NELL1: variants seen among roughly 807,000 people sequenced by gnomAD.
The protein encoded by NELL1 is protein kinase C-binding protein NELL1.
In NELL1, 76 loss-of-function variants were observed where a neutral mutation model predicts 107.4. That is an observed-to-expected ratio of 0.71 (90% CI 0.59 to 0.86). The LOEUF is 0.86. NELL1 is among the 40% of genes least tolerant of loss of function. NELL1 has a pLI of 0.00. For synonymous variants in NELL1, 353 were observed against 341.2 expected, an observed-to-expected ratio of 1.03 and a Z score of -0.38; for missense variants, 1,024 against 1,005.5, an observed-to-expected ratio of 1.02 and a Z score of -0.25.
chr11:21,003,745 A>G (rs758898657), intron 12 of NELL1, among the ~76,000 whole-genome samples: 2 of 152,142 alleles, frequency 1.3e-5, no homozygotes, highest in African/African-American at 2.4e-5. Context: ...TCCAAGAAAC[A>G]AACTGTGAGC....
chr11:21,147,853 A>AG (rs1856019068), intron 13 of NELL1, among the ~76,000 whole-genome samples: 1 of 150,820 alleles, frequency 6.6e-6, no homozygotes, highest in South Asian at 2.1e-4. Context: ...AAAAAAAAAA[A>AG]AAAAAAAAAA....
chr11:21,079,341 G>A (rs1470938416), intron 12 of NELL1, among the ~76,000 whole-genome samples: 3 of 151,960 alleles, frequency 2.0e-5, no homozygotes, highest in South Asian at 2.1e-4. Flanking sequence ...TTTGTAACAA[G>A]CGACACAGAA....
intron 15 of NELL1, among the ~76,000 whole-genome samples, chr11:21,407,540 A>T (rs1262297628): frequency 2.0e-5 from 3 of 152,082 alleles, no homozygotes; most frequent in Non-Finnish European, 2.9e-5. Context: ...CAAATTTAGT[A>T]TATGAATTAT....
At chr11:21,108,467 CA>C (rs1266880291) in intron 12 of NELL1, among the ~76,000 whole-genome samples, 1 of 152,036 alleles carries the variant, frequency 6.6e-6, no homozygotes, top group Non-Finnish European at 1.5e-5. Flanking sequence ...TTTATTACCT[CA>C]AAAGACCACC....
intron 15 of NELL1, among the ~76,000 whole-genome samples, chr11:21,529,188 CA>C (rs904737767): frequency 2.0e-5 from 3 of 152,124 alleles, no homozygotes; most frequent in Non-Finnish European, 2.9e-5. Context: ...GTACTATTTT[CA>C]ATACGTGATT....
chr11:21,184,755 G>C lies in NELL1; in HGVS notation c.1427-44577G>C, dbSNP rs543929063. ...TCCTCTGTTTTTAACGAGGAGTTTT[G>C]ATTGAAGTGAAATCGTGTTTTCTAG... On this transcript the variant is annotated intron_variant, in intron 13 of 19. Coordinates refer to ENST00000357134, the MANE Select transcript of NELL1 (RefSeq NM_006157.5). Among the ~76,000 whole-genome samples, 4 of 151,802 alleles carry C rather than the reference G, an allele frequency of 2.6e-5. No individual in the cohort carries two copies. The South Asian group carries it at 8.3e-4, about 32-fold the overall frequency.
At chr11:21,016,015 G>T (rs952965004) in intron 12 of NELL1, among the ~76,000 whole-genome samples, 9 of 152,046 alleles carry the variant, frequency 5.9e-5, no homozygotes, top group Admixed American at 3.3e-4. Flanking sequence ...TGTGCGTCTG[G>T]TATTGGCAGA....
At chr11:21,423,104 C>T (rs201265893) in intron 15 of NELL1, among the ~76,000 whole-genome samples, 2 of 152,124 alleles carry the variant, frequency 1.3e-5, no homozygotes, top group African/African-American at 2.4e-5. Flanking sequence ...CAGTGGCTCA[C>T]GCCTGTAAAC....
chr11:20,670,280 G>T, intron 1 of NELL1: 1 of 159,272 alleles, frequency 6.3e-6, no homozygotes, highest in Non-Finnish European at 1.4e-5. Context: ...AGAGCTGCGG[G>T]AGAACCCTGG....
intron 14 of NELL1, among the ~76,000 whole-genome samples, chr11:21,240,362 G>A (rs1858320875): frequency 6.6e-6 from 1 of 151,850 alleles, no homozygotes; most frequent in African/African-American, 2.4e-5. Flanking sequence ...TTAGATGTGG[G>A]GGTATTAGTT....
intron 3 of NELL1, among the ~76,000 whole-genome samples, chr11:20,795,818 T>C (rs1026109634): frequency 1.3e-5 from 2 of 152,168 alleles, no homozygotes; most frequent in Non-Finnish European, 2.9e-5. Flanking sequence ...TTTCAAAAGA[T>C]ACTCTTCAGT....
At chr11:21,324,579 T>C (rs766034181) in intron 14 of NELL1, among the ~76,000 whole-genome samples, 21 of 152,194 alleles carry the variant, frequency 1.4e-4, no homozygotes, top group Non-Finnish European at 2.2e-4. Flanking sequence ...CAGTCAACAT[T>C]GATGTTTTGT....
chr11:21,151,259 G>T (rs1406102338), intron 13 of NELL1, among the ~76,000 whole-genome samples: 1 of 152,114 alleles, frequency 6.6e-6, no homozygotes, highest in South Asian at 2.1e-4. Context: ...TTTGTTGTTT[G>T]TTTATTTTCC....
chr11:20,937,891 C>T (rs1850760895), intron 10 of NELL1, 32 bp downstream of exon 10: 1 of 1,595,696 alleles, frequency 6.3e-7, no homozygotes. Flanking sequence ...CCTATCACTT[C>T]TGGAAAATGA....
At chr11:21,146,848 A>G (rs1855991984) in intron 13 of NELL1, among the ~76,000 whole-genome samples, 1 of 152,148 alleles carries the variant, frequency 6.6e-6, no homozygotes, top group Non-Finnish European at 1.5e-5. Flanking sequence ...GTTCGAGACC[A>G]GCCTGACCAA....
intron 12 of NELL1, among the ~76,000 whole-genome samples, chr11:21,025,043 TC>T (rs1852783505): frequency 6.6e-6 from 1 of 152,166 alleles, no homozygotes; most frequent in Non-Finnish European, 1.5e-5. Flanking sequence ...AATGTCACTG[TC>T]CTCAAAGAGC....
intron 13 of NELL1, among the ~76,000 whole-genome samples, chr11:21,173,116 C>T (rs1377743): frequency 0.76 from 115,750 of 151,556 alleles, 44,710 homozygotes; most frequent in African/African-American, 0.86. Flanking sequence ...TCAATTTCAA[C>T]TGGACTTGCA....
At chr11:21,421,137 A>G (rs968708073) in intron 15 of NELL1, among the ~76,000 whole-genome samples, 3 of 152,224 alleles carry the variant, frequency 2.0e-5, no homozygotes, top group Admixed American at 2.0e-4. Flanking sequence ...CATTCAAAAA[A>G]TACAGAAGAA....
intron 4 of NELL1, among the ~76,000 whole-genome samples, chr11:20,883,010 T>C (rs1849438571): frequency 6.6e-6 from 1 of 152,186 alleles, no homozygotes; most frequent in African/African-American, 2.4e-5. Flanking sequence ...AAGTTTTCTT[T>C]TTAAAAAAAA....
Sources: gnomAD v4.1 joint callset for allele counts (sites outside exome capture counted in the v4.1 genomes callset) on GRCh38, gnomAD v4.1.1 for gene constraint, MANE v1.5 for transcripts, NCBI Gene and HGNC (gene_info 2026-07-23, HGNC 2026-07-21) for gene names.